Variants in SOX6 observed in about 807,000 individuals in gnomAD.
SOX6 encodes the protein SRY-box transcription factor 6.
Under a neutral mutation model 97.8 loss-of-function variants are expected in SOX6, and 11 were observed. The ratio of observed to expected loss-of-function variants is 0.11; its 90% CI spans 0.07 to 0.19. The LOEUF (loss-of-function observed/expected upper bound fraction) is 0.19, where lower values mean the gene tolerates loss of function less well. Among genes scored for constraint, SOX6 ranks in the 10% least tolerant of loss-of-function variants. The pLI is 1.00. For synonymous variants in SOX6, 360 were observed against 371.4 expected (o/e 0.97, Z 0.35); for missense variants, 810 against 1,039.5 (o/e 0.78, Z 3.04).
rs1590097206 is a variant in SOX6, at chr11:15,970,991, G to A, written c.*1818C>T. The A allele has an allele frequency of 6.6e-6, 1 of 152,392 alleles. No homozygotes were observed. Among genetic ancestry groups the A allele is most frequent in the Admixed American group, 6.5e-5 (1 of 15,284 alleles). 9.4% of individuals were successfully genotyped at this position (152,392 alleles called of 1,614,324 possible). A position where few individuals can be genotyped will look rare whatever the true frequency, so the allele number is the denominator to read the frequency against. On this transcript the variant is annotated 3_prime_UTR_variant, in exon 16 of 16. Transcript: ENST00000683767. The stretch of plus-strand genomic sequence containing the variant: ...GAGCTCCCTGTAGTTAGGAGATGGG[G>A]AATAAAACCTCACTGCTTCCCACCC...
intron 3 of SOX6, among the ~76,000 whole-genome samples, chr11:16,302,558 C>CTT (rs1305778326): frequency 2.8e-5 from 3 of 106,624 alleles, no homozygotes; most frequent in Non-Finnish European, 4.0e-5. Flanking sequence ...ATTTTTTTTT[C>CTT]TTTTTTTCTT....
At chr11:16,620,890 T>C (rs1848536697) in intron 3 of SOX6, among the ~76,000 whole-genome samples, 1 of 152,200 alleles carries the variant, frequency 6.6e-6, no homozygotes, top group Non-Finnish European at 1.5e-5. Context: ...CCACCAACTA[T>C]CACAATTTTG....
chr11:16,305,780 T>C (rs1855411278), intron 3 of SOX6, among the ~76,000 whole-genome samples: 1 of 152,206 alleles, frequency 6.6e-6, no homozygotes, highest in African/African-American at 2.4e-5. Flanking sequence ...ATTAATTGGA[T>C]TGGATGAATC....
At position 15,989,243 on chromosome 11, in the gene SOX6, G is replaced by C; in HGVS notation, c.1733-13C>G. 1 of 1,579,960 alleles carries C rather than the reference G, an allele frequency of 6.3e-7. No homozygotes were observed. The highest frequency in any genetic ancestry group is 1.1e-5 in the South Asian group (1 of 87,634). On this transcript the variant is annotated splice_polypyrimidine_tract_variant and intron_variant, in intron 13 of 15. Transcript: ENST00000683767. ...ATTGCTTTACTTCCTGTAATGTCAG[G>C]GCAGGAAGAACAAGATGAGTGGAAA...
chr11:16,427,219 T>C (rs1859160859), intron 1 of SOX6, among the ~76,000 whole-genome samples: 1 of 151,658 alleles, frequency 6.6e-6, no homozygotes, highest in South Asian at 2.1e-4. Context: ...TTTTGGAAAC[T>C]ATACATCCAA....
At chr11:15,975,797 A>G (rs1325948172) in intron 15 of SOX6, among the ~76,000 whole-genome samples, 1 of 151,842 alleles carries the variant, frequency 6.6e-6, no homozygotes, top group African/African-American at 2.4e-5. Flanking sequence ...GCACATATCA[A>G]GATCAGGGTG....
At chr11:16,476,206 T>C (rs1472514521) in intron 1 of SOX6, 1 of 152,000 alleles carries the variant, frequency 6.6e-6, no homozygotes. Context: ...TACAAAACAA[T>C]TGCAAAAAAA....
chr11:16,431,630 A>G (rs1305562295), intron 1 of SOX6, among the ~76,000 whole-genome samples: 1 of 152,162 alleles, frequency 6.6e-6, no homozygotes, highest in Non-Finnish European at 1.5e-5. Flanking sequence ...AAAGAATAAA[A>G]TGGAACCACA....
chr11:16,242,356 G>T (rs956340502), intron 3 of SOX6, among the ~76,000 whole-genome samples: 8 of 151,856 alleles, frequency 5.3e-5, no homozygotes, highest in African/African-American at 1.9e-4. Flanking sequence ...GTGTGTACTA[G>T]GCCATACCAT....
At chr11:16,074,055 G>A (rs1848289707) in intron 9 of SOX6, among the ~76,000 whole-genome samples, 1 of 151,888 alleles carries the variant, frequency 6.6e-6, no homozygotes, top group Non-Finnish European at 1.5e-5. Context: ...AGAAACCAAA[G>A]CAAATCAACC....
intron 1 of SOX6, among the ~76,000 whole-genome samples, chr11:16,469,592 A>G (rs1860104845): frequency 1.3e-5 from 2 of 152,138 alleles, no homozygotes; most frequent in Non-Finnish European, 2.9e-5. Flanking sequence ...TTATTCCATT[A>G]AGGTCTCCAA....
intron 1 of SOX6, among the ~76,000 whole-genome samples, chr11:16,431,535 T>C (rs1859272298): frequency 6.6e-6 from 1 of 152,084 alleles, no homozygotes; most frequent in African/African-American, 2.4e-5. Context: ...AAACTATAAT[T>C]AAGACGATAC....
chr11:16,198,875 G>T (rs1243013319), intron 4 of SOX6, among the ~76,000 whole-genome samples: 1 of 152,150 alleles, frequency 6.6e-6, no homozygotes. Context: ...ATCTACTCTA[G>T]TGCTACTCAT....
At chr11:16,573,925 T>A (rs1847960076) in intron 4 of SOX6, among the ~76,000 whole-genome samples, 1 of 152,178 alleles carries the variant, frequency 6.6e-6, no homozygotes, top group Non-Finnish European at 1.5e-5. Context: ...AACTGTTAAA[T>A]TTGCTTAATG....
At chr11:16,221,738 A>C (rs1852544319) in intron 4 of SOX6, among the ~76,000 whole-genome samples, 1 of 152,146 alleles carries the variant, frequency 6.6e-6, no homozygotes, top group Non-Finnish European at 1.5e-5. Context: ...ATACTTTTAA[A>C]GACTTTTCTG....
intron 9 of SOX6, among the ~76,000 whole-genome samples, chr11:16,077,640 G>A (rs143200929): frequency 3.3e-5 from 5 of 152,276 alleles, no homozygotes; most frequent in Non-Finnish European, 7.4e-5. Flanking sequence ...AAAAGAACCA[G>A]ATCATGTTCT....
At chr11:16,353,573 C>T (rs1413212845) in intron 1 of SOX6, among the ~76,000 whole-genome samples, 1 of 151,958 alleles carries the variant, frequency 6.6e-6, no homozygotes, top group Non-Finnish European at 1.5e-5. Flanking sequence ...GTACTTCCAC[C>T]ACCTCCTCCC....
At chr11:16,229,517 T>G (rs1852786627) in intron 4 of SOX6, among the ~76,000 whole-genome samples, 1 of 151,520 alleles carries the variant, frequency 6.6e-6, no homozygotes, top group Non-Finnish European at 1.5e-5. Context: ...GAGCAATAAA[T>G]AGAAAAACCA....
chr11:16,166,288 A>G (rs1589989699), intron 6 of SOX6, among the ~76,000 whole-genome samples: 1 of 152,244 alleles, frequency 6.6e-6, no homozygotes, highest in East Asian at 1.9e-4. Context: ...CCTCAGTCAA[A>G]AGATCAAACC....
Sources: gnomAD v4.1 joint callset for allele counts (sites outside exome capture counted in the v4.1 genomes callset) on GRCh38, gnomAD v4.1.1 for gene constraint, MANE v1.5 for transcripts, NCBI Gene and HGNC (gene_info 2026-07-23, HGNC 2026-07-21) for gene names.